PTPRG: variants seen among roughly 807,000 people sequenced by gnomAD.
The protein encoded by PTPRG is receptor-type tyrosine-protein phosphatase gamma.
PTPRG carries 102 observed loss-of-function variants against 165.3 expected under a neutral mutation model. The ratio of observed to expected loss-of-function variants is 0.62; its 90% CI spans 0.53 to 0.73. The LOEUF (loss-of-function observed/expected upper bound fraction) is 0.73. Ranked by LOEUF, PTPRG falls within the 30% of genes least tolerant of loss-of-function variation. The probability of loss-of-function intolerance (pLI) is 0.00; values close to 1 mark genes in which losing one functional copy is unlikely to be tolerated. For synonymous variants in PTPRG, 675 were observed against 669.5 expected (o/e 1.01, Z -0.13); for missense variants, 1,866 against 1,861.4 (o/e 1.00, Z -0.05).
chr3:61,849,258 A>G (rs1310460116), intron 2 of PTPRG, among the ~76,000 whole-genome samples: 4 of 152,182 alleles, frequency 2.6e-5, no homozygotes, highest in Non-Finnish European at 4.4e-5. Flanking sequence ...TCATAAAACC[A>G]TGGCCACAAT....
chr3:62,082,655 C>G (rs116073038), intron 5 of PTPRG, among the ~76,000 whole-genome samples: 52 of 152,268 alleles, frequency 3.4e-4, no homozygotes, highest in African/African-American at 1.1e-3. Flanking sequence ...GGCCCGGACC[C>G]CAGTAACTCT....
At chr3:62,169,437 A>G (rs985863024) in intron 8 of PTPRG, among the ~76,000 whole-genome samples, 4 of 152,202 alleles carry the variant, frequency 2.6e-5, no homozygotes, top group Middle Eastern at 6.8e-3. Flanking sequence ...TCTGATAAAC[A>G]TAAGTTTATC....
intron 5 of PTPRG, among the ~76,000 whole-genome samples, chr3:62,118,882 T>C (rs1702958839): frequency 6.6e-6 from 1 of 152,222 alleles, no homozygotes. Flanking sequence ...CCCAGAACTC[T>C]TTGAACTCTC....
Position 62,119,474 on chromosome 3 carries a change from G to C in PTPRG, c.616-13128G>C, listed in dbSNP as rs997008590. 2.6e-5 allele frequency among the ~76,000 whole-genome samples: 4 copies of C among 152,194 alleles called. No homozygotes were observed. The East Asian group carries it at 5.8e-4, about 22-fold the overall frequency. On this transcript the variant is annotated intron_variant, in intron 5 of 29. Transcript: ENST00000474889. ...AGGCCTAGAGGCAGTGAAATGCTCC[G>C]AGTATTTGAGGAAGAGGAAGGAGGC...
chr3:61,832,083 A>G (rs1266832850), intron 2 of PTPRG, among the ~76,000 whole-genome samples: 1 of 152,240 alleles, frequency 6.6e-6, no homozygotes, highest in African/African-American at 2.4e-5. Flanking sequence ...AAAAAATTAT[A>G]TCTGCCAAAA....
intron 2 of PTPRG, among the ~76,000 whole-genome samples, chr3:61,799,550 T>C (rs2035170542): frequency 6.6e-6 from 1 of 152,230 alleles, no homozygotes; most frequent in East Asian, 1.9e-4. Context: ...TTTCATAGAA[T>C]GTCCTTCAAT....
chr3:61,803,183 T>A (rs2035299601), intron 2 of PTPRG, among the ~76,000 whole-genome samples: 1 of 152,216 alleles, frequency 6.6e-6, no homozygotes, highest in Admixed American at 6.5e-5. Flanking sequence ...CAGTCACACA[T>A]GTAATTTAAA....
chr3:62,003,260 A>G, intron 3 of PTPRG, 89 bp from the exon 4 acceptor site: 3 of 1,410,458 alleles, frequency 2.1e-6, no homozygotes, highest in Non-Finnish European at 2.9e-6. Flanking sequence ...ATATCATGGT[A>G]ATGGTGAACT....
intron 1 of PTPRG, among the ~76,000 whole-genome samples, chr3:61,607,955 A>C (rs536413937): frequency 2.0e-5 from 3 of 152,110 alleles, no homozygotes; most frequent in African/African-American, 7.2e-5. Context: ...AGATCATTCT[A>C]ATATTTCCAG....
chr3:61,721,315 T>G (rs1246075410), intron 1 of PTPRG, among the ~76,000 whole-genome samples: 2 of 152,192 alleles, frequency 1.3e-5, no homozygotes, highest in Non-Finnish European at 2.9e-5. Context: ...TGATATTTGA[T>G]GATGAGTTCA....
At chr3:61,756,823 G>A (rs776476242) in intron 2 of PTPRG, among the ~76,000 whole-genome samples, 1 of 152,124 alleles carries the variant, frequency 6.6e-6, no homozygotes, top group Non-Finnish European at 1.5e-5. Flanking sequence ...CTGTGATGGG[G>A]TATTTAAAAC....
At chr3:61,915,100 G>A (rs1270618816) in intron 2 of PTPRG, among the ~76,000 whole-genome samples, 3 of 152,132 alleles carry the variant, frequency 2.0e-5, no homozygotes, top group East Asian at 1.9e-4. Context: ...GTGGTGGTGC[G>A]TGCCTGTAGT....
At chr3:62,174,412 C>T (rs1705336191) in intron 8 of PTPRG, among the ~76,000 whole-genome samples, 1 of 152,162 alleles carries the variant, frequency 6.6e-6, no homozygotes, top group Non-Finnish European at 1.5e-5. Flanking sequence ...GCTCCTAAGC[C>T]GATGTCGTGT....
At chr3:62,177,144 C>A (rs1705458110) in intron 8 of PTPRG, among the ~76,000 whole-genome samples, 1 of 151,884 alleles carries the variant, frequency 6.6e-6, no homozygotes, top group African/African-American at 2.4e-5. Context: ...ATTAGCTGGG[C>A]TTGGTAGCAC....
chr3:61,827,445 A>G (rs1234477399), intron 2 of PTPRG, among the ~76,000 whole-genome samples: 1 of 152,200 alleles, frequency 6.6e-6, no homozygotes. Flanking sequence ...GGTGGACAGA[A>G]TCTGGGATCC....
chr3:62,265,092 T>G (rs1198257288), intron 17 of PTPRG, among the ~76,000 whole-genome samples: 1 of 152,236 alleles, frequency 6.6e-6, no homozygotes, highest in Non-Finnish European at 1.5e-5. Flanking sequence ...ATAACTTGTT[T>G]GGAGAAATGT....
At chr3:61,827,086 T>G (rs565396100) in intron 2 of PTPRG, among the ~76,000 whole-genome samples, 1 of 152,112 alleles carries the variant, frequency 6.6e-6, no homozygotes. Context: ...TCTTTCAGAG[T>G]AAGGGCATGC....
At chr3:61,701,077 C>G (rs1380877172) in intron 1 of PTPRG, among the ~76,000 whole-genome samples, 3 of 152,124 alleles carry the variant, frequency 2.0e-5, no homozygotes, top group South Asian at 2.1e-4. Flanking sequence ...CCTCAATCTC[C>G]CTGCCCTCCT....
At chr3:62,264,877 C>T (rs2148862761) in intron 17 of PTPRG, among the ~76,000 whole-genome samples, 1 of 151,762 alleles carries the variant, frequency 6.6e-6, no homozygotes, top group African/African-American at 2.4e-5. Flanking sequence ...AAACTCTTTT[C>T]CAAAGTGGCT....
Sources: allele counts gnomAD v4.1 joint callset (sites outside exome capture counted in the v4.1 genomes callset), GRCh38; gene constraint gnomAD v4.1.1; transcripts MANE v1.5; gene names NCBI Gene and HGNC (gene_info 2026-07-23, HGNC 2026-07-21).